Variants in ZNF385D observed in about 807,000 individuals in gnomAD.
ZNF385D encodes the protein zinc finger protein 659.
ZNF385D carries 15 observed loss-of-function variants against 35.8 expected under a neutral mutation model. That is an observed-to-expected ratio of 0.42 (90% CI 0.28 to 0.64). ZNF385D has a LOEUF of 0.64. Ranked by LOEUF, ZNF385D falls within the 30% of genes least tolerant of loss-of-function variation. ZNF385D has a pLI of 0.23. For missense variants in ZNF385D, 474 were observed against 494.6 expected, an observed-to-expected ratio of 0.96 and a Z score of 0.39; for synonymous variants, 212 against 186.8, an observed-to-expected ratio of 1.13 and a Z score of -1.10.
At chr3:21,728,126 G>A (rs998811667) in intron 1 of ZNF385D, among the ~76,000 whole-genome samples, 9 of 152,094 alleles carry the variant, frequency 5.9e-5, no homozygotes, top group Middle Eastern at 3.4e-3. Context: ...CACACATCGC[G>A]GCCTGTCGGG....
chr3:21,442,549 C>A, intron 4 of ZNF385D, among the ~76,000 whole-genome samples: 1 of 152,104 alleles, frequency 6.6e-6, no homozygotes, highest in East Asian at 1.9e-4. Flanking sequence ...CTGGTGGTTT[C>A]TTTTCTACCA....
chr3:21,935,010 A>T (rs118076849), intron 3 of ZNF385D, among the ~76,000 whole-genome samples: 1 of 152,186 alleles, frequency 6.6e-6, no homozygotes, highest in Non-Finnish European at 1.5e-5. Flanking sequence ...TACTTAGTGC[A>T]TTGGTAGCTC....
At chr3:22,266,213 C>G (rs1017885377) in intron 2 of ZNF385D, among the ~76,000 whole-genome samples, 10 of 151,908 alleles carry the variant, frequency 6.6e-5, no homozygotes, top group Admixed American at 3.9e-4. Flanking sequence ...GAAGAGGAGC[C>G]AGGTCTGGAA....
intron 3 of ZNF385D, among the ~76,000 whole-genome samples, chr3:21,991,053 T>C (rs1050168143): frequency 1.3e-5 from 2 of 152,220 alleles, no homozygotes; most frequent in Non-Finnish European, 2.9e-5. Context: ...CTATTTAAAA[T>C]GTAAAATTCC....
chr3:21,586,174 C>A (rs2063805729), intron 2 of ZNF385D, among the ~76,000 whole-genome samples: 1 of 151,920 alleles, frequency 6.6e-6, no homozygotes, highest in Non-Finnish European at 1.5e-5. Context: ...CCACTGCATT[C>A]CAGCCTGGGT....
chr3:22,173,597 C>G (rs1003231299), intron 2 of ZNF385D, among the ~76,000 whole-genome samples: 1 of 152,162 alleles, frequency 6.6e-6, no homozygotes, highest in Non-Finnish European at 1.5e-5. Context: ...AACTTCTGTT[C>G]TCTTTATCCC....
intron 2 of ZNF385D, among the ~76,000 whole-genome samples, chr3:21,613,755 G>T (rs2064758690): frequency 1.3e-5 from 2 of 152,224 alleles, no homozygotes; most frequent in African/African-American, 4.8e-5. Context: ...ATGAATCATA[G>T]AAACATGAAT....
intron 3 of ZNF385D, among the ~76,000 whole-genome samples, chr3:22,026,120 G>T (rs1019156168): frequency 6.6e-6 from 1 of 152,104 alleles, no homozygotes; most frequent in East Asian, 1.9e-4. Flanking sequence ...GAAATTGTTA[G>T]AAGTGAAATT....
chr3:21,502,358 C>G (rs1027726915), intron 4 of ZNF385D, among the ~76,000 whole-genome samples: 3 of 152,172 alleles, frequency 2.0e-5, no homozygotes, highest in African/African-American at 7.2e-5. Flanking sequence ...GTTCCACTCT[C>G]CCCTGTGAAA....
At chr3:21,680,324 G>T (rs1406433136) in intron 1 of ZNF385D, among the ~76,000 whole-genome samples, 3 of 152,144 alleles carry the variant, frequency 2.0e-5, no homozygotes, top group Non-Finnish European at 2.9e-5. Flanking sequence ...AATAGTGAGA[G>T]AATAAGCAAA....
intron 3 of ZNF385D, among the ~76,000 whole-genome samples, chr3:22,166,838 T>C (rs1706365352): frequency 6.6e-6 from 1 of 152,242 alleles, no homozygotes; most frequent in Non-Finnish European, 1.5e-5. Context: ...GGTTTGTGAC[T>C]ATCAAGATAG....
Position 21,665,043 on chromosome 3 carries a change from G to A in ZNF385D, c.23-15C>T, listed in dbSNP as rs1489894930. On this transcript the variant is annotated splice_polypyrimidine_tract_variant and intron_variant, in intron 1 of 7. Coordinates refer to ENST00000281523, the MANE Select transcript of ZNF385D (RefSeq NM_024697.3). ...GCATGTACCACCTGTGAAGACCAGA[G>A]CAAAGGGAGCAATCAGGGACACCAC... 2 of 1,579,642 alleles carry A rather than the reference G, an allele frequency of 1.3e-6. No homozygotes were observed. Among genetic ancestry groups the A allele is most frequent in the Non-Finnish European group, 1.7e-6 (2 of 1,163,908 alleles).
chr3:22,327,842 A>G (rs1694749913), intron 2 of ZNF385D, among the ~76,000 whole-genome samples: 1 of 152,186 alleles, frequency 6.6e-6, no homozygotes, highest in Non-Finnish European at 1.5e-5. Context: ...GGAAGAGAAC[A>G]TTGCTATTTC....
intron 4 of ZNF385D, among the ~76,000 whole-genome samples, chr3:21,469,347 C>G (rs750896987): frequency 1.1e-4 from 16 of 152,160 alleles, no homozygotes; most frequent in Non-Finnish European, 2.1e-4. Flanking sequence ...CCTCTCACAA[C>G]CTGCAGTAAG....
At chr3:21,467,558 C>T (rs1703598540) in intron 4 of ZNF385D, among the ~76,000 whole-genome samples, 1 of 152,196 alleles carries the variant, frequency 6.6e-6, no homozygotes, top group East Asian at 1.9e-4. Flanking sequence ...GGCAAACATG[C>T]TGACTTGAAT....
chr3:21,795,218 A>G (rs1306860270), intron 3 of ZNF385D, among the ~76,000 whole-genome samples: 1 of 152,234 alleles, frequency 6.6e-6, no homozygotes, highest in Non-Finnish European at 1.5e-5. Flanking sequence ...TGGAAAAGCC[A>G]TCTAAGTCTT....
At position 22,327,152 on chromosome 3, in the gene ZNF385D, C is replaced by G. The variant is rs112374796; in HGVS notation, c.106+45298G>C. ...CGGAAAGTTTTGTTCTTTTTTTAAT[C>G]TCACCCTACCACCCTTACTAATTTG... On this transcript the variant is annotated intron_variant, in intron 2 of 5. Coordinates refer to the ZNF385D transcript ENST00000494108. 3.3e-5 allele frequency among the ~76,000 whole-genome samples: 5 copies of G among 151,952 alleles called. No homozygotes were observed. The South Asian group carries it at 1.0e-3, about 32-fold the overall frequency.
At chr3:22,267,666 A>C (rs1049707909) in intron 2 of ZNF385D, among the ~76,000 whole-genome samples, 5 of 151,966 alleles carry the variant, frequency 3.3e-5, no homozygotes, top group Admixed American at 3.3e-4. Flanking sequence ...TTTGTCATGT[A>C]AAAATATTTT....
At chr3:22,195,944 T>C (rs1167506977) in intron 2 of ZNF385D, among the ~76,000 whole-genome samples, 1 of 152,048 alleles carries the variant, frequency 6.6e-6, no homozygotes, top group East Asian at 1.9e-4. Flanking sequence ...ATACTGCATG[T>C]TCTCATTTAT....
Sources: gnomAD v4.1 joint callset for allele counts (sites outside exome capture counted in the v4.1 genomes callset) on GRCh38, gnomAD v4.1.1 for gene constraint, MANE v1.5 for transcripts, NCBI Gene and HGNC (gene_info 2026-07-23, HGNC 2026-07-21) for gene names.